The following NDST4 variants were observed in gnomAD, a reference collection of about 807,000 sequenced individuals.
NDST4 encodes N-heparan sulfate sulfotransferase 4.
A neutral mutation model predicts 100.8 loss-of-function variants in NDST4; 63 were observed. That is an observed-to-expected ratio of 0.62 (90% CI 0.51 to 0.77). The LOEUF (loss-of-function observed/expected upper bound fraction) is 0.77. Among genes scored for constraint, NDST4 ranks in the 30% least tolerant of loss-of-function variants. The pLI is 0.00. For synonymous variants in NDST4, 377 were observed against 361.8 expected (o/e 1.04, Z -0.48); for missense variants, 943 against 1,018.4 (o/e 0.93, Z 1.01).
At chr4:115,094,406 A>G (rs2126295975) in intron 1 of NDST4, among the ~76,000 whole-genome samples, 1 of 152,290 alleles carries the variant, frequency 6.6e-6, no homozygotes, top group Non-Finnish European at 1.5e-5. Flanking sequence ...ACCTTATTTT[A>G]TAAGACTAAC....
chr4:114,949,847 T>C (rs778894434), intron 4 of NDST4, among the ~76,000 whole-genome samples: 1 of 152,042 alleles, frequency 6.6e-6, no homozygotes, highest in Non-Finnish European at 1.5e-5. Flanking sequence ...AAAGTAAACA[T>C]TGGCATTGAG....
At chr4:114,944,896 G>A (rs1207158848) in intron 4 of NDST4, among the ~76,000 whole-genome samples, 1 of 152,048 alleles carries the variant, frequency 6.6e-6, no homozygotes, top group South Asian at 2.1e-4. Flanking sequence ...CAGGAGACGC[G>A]CCACACCACA....
At chr4:115,025,672 T>A (rs1205103102) in intron 2 of NDST4, among the ~76,000 whole-genome samples, 5 of 152,118 alleles carry the variant, frequency 3.3e-5, no homozygotes, top group Non-Finnish European at 7.4e-5. Flanking sequence ...CTAGAGTGCT[T>A]AAACTCTGTA....
Position 115,076,280 on chromosome 4 carries a change from A to G in NDST4, c.757T>C (p.Phe253Leu). The change falls in exon 2 of 14, where the codon TTT becomes CTT. Residue 253 changes from phenylalanine (F) to leucine (L), a missense_variant. Physicochemically the swap from Phe to Leu is conservative, Grantham distance 22. Transcript: ENST00000264363. ...CCCAGATCCTGAATCACCGTTGCAA[A>G]GAGTGTTTTGCTAGACAAGGATGAC... The part of the protein sequence containing the change: ...SLSSLSSKTL[F>L]ATVIQDLGLH... 1 of 1,614,008 alleles carries G rather than the reference A, an allele frequency of 6.2e-7. No individual in the cohort carries two copies. The highest frequency in any genetic ancestry group is 8.5e-7 in the Non-Finnish European group (1 of 1,179,936).
chr4:114,889,513 C>A (rs1724548104), intron 6 of NDST4, among the ~76,000 whole-genome samples: 1 of 152,132 alleles, frequency 6.6e-6, no homozygotes, highest in Non-Finnish European at 1.5e-5. Context: ...AACTTGTGTT[C>A]ACATTAGGTA....
rs150012154 is a variant in NDST4, at chr4:114,941,112, A to G, written c.1222-3609T>C. ...TAGTATTTTCCTGCCTCATGTCTGC[A>G]TCAATATTTATGAAGTATTTTTACA... On this transcript the variant is annotated intron_variant, in intron 4 of 13. Transcript: ENST00000264363. 3.9e-5 allele frequency among the ~76,000 whole-genome samples: 6 copies of G among 152,352 alleles called. No homozygotes were observed. In the East Asian group the frequency reaches 1.2e-3, roughly 29 times the overall value.
At chr4:114,882,302 G>C (rs1181223802) in intron 6 of NDST4, among the ~76,000 whole-genome samples, 2 of 152,014 alleles carry the variant, frequency 1.3e-5, no homozygotes, top group East Asian at 1.9e-4. Context: ...ATCTCAAAGA[G>C]TAAGAGGCTT....
intron 2 of NDST4, among the ~76,000 whole-genome samples, chr4:115,001,474 T>C (rs556228653): frequency 1.4e-3 from 215 of 152,142 alleles, no homozygotes; most frequent in African/African-American, 5.0e-3. Flanking sequence ...GGTTTTTTTT[T>C]CCTGCTTTTT....
At chr4:115,093,585 G>C (rs1006264799) in intron 1 of NDST4, among the ~76,000 whole-genome samples, 1 of 151,900 alleles carries the variant, frequency 6.6e-6, no homozygotes, top group Non-Finnish European at 1.5e-5. Context: ...AGGGAATTTG[G>C]GAATATTTAC....
At chr4:115,059,822 TGAG>T (rs1251977218) in intron 2 of NDST4, among the ~76,000 whole-genome samples, 3 of 151,996 alleles carry the variant, frequency 2.0e-5, no homozygotes, top group Non-Finnish European at 4.4e-5. Context: ...CACAGACACA[TGAG>T]GAGAAGTTGC....
chr4:114,953,571 C>A (rs1726069148), intron 4 of NDST4, among the ~76,000 whole-genome samples: 1 of 152,060 alleles, frequency 6.6e-6, no homozygotes, highest in Non-Finnish European at 1.5e-5. Flanking sequence ...TTCATATTAA[C>A]AATGAAAACT....
chr4:114,969,171 G>A (rs2126240214), intron 4 of NDST4, among the ~76,000 whole-genome samples: 1 of 151,892 alleles, frequency 6.6e-6, no homozygotes, highest in African/African-American at 2.4e-5. Flanking sequence ...AAAATTAGCC[G>A]GGCGTAGTGG....
At chr4:114,991,235 T>A (rs1346271250) in intron 2 of NDST4, among the ~76,000 whole-genome samples, 1 of 152,014 alleles carries the variant, frequency 6.6e-6, no homozygotes, top group Non-Finnish European at 1.5e-5. Flanking sequence ...TAATACAACA[T>A]GATAGCTAAT....
intron 2 of NDST4, among the ~76,000 whole-genome samples, chr4:115,003,395 C>T (rs531616621): frequency 6.6e-6 from 1 of 152,200 alleles, no homozygotes; most frequent in South Asian, 2.1e-4. Context: ...GAAATCAAAG[C>T]TGATGCATGA....
chr4:115,024,663 C>G (rs1727941874), intron 2 of NDST4, among the ~76,000 whole-genome samples: 1 of 152,060 alleles, frequency 6.6e-6, no homozygotes, highest in Admixed American at 6.6e-5. Flanking sequence ...AGATGAGACT[C>G]TACTTCTAAA....
At chr4:114,916,415 A>G (rs1254435221) in intron 6 of NDST4, among the ~76,000 whole-genome samples, 1 of 151,940 alleles carries the variant, frequency 6.6e-6, no homozygotes, top group Non-Finnish European at 1.5e-5. Flanking sequence ...TCTTTTCCAT[A>G]TATGCTTCCA....
rs546718512 is a variant in NDST4, at chr4:115,011,220, A to G, written c.979-33946T>C. 1.3e-4 allele frequency among the ~76,000 whole-genome samples: 20 copies of G among 152,094 alleles called. No individual in the cohort carries two copies. In the South Asian group the frequency reaches 1.5e-3, roughly 11 times the overall value. On this transcript the variant is annotated intron_variant, in intron 2 of 13. Coordinates refer to ENST00000264363, the MANE Select transcript of NDST4 (RefSeq NM_022569.3). ...TGCTATATGACTTACTTGTCTCTTG[A>G]ATGGTTTCTATTCATCTGTATGTTA...
intron 6 of NDST4, among the ~76,000 whole-genome samples, chr4:114,873,235 G>T (rs1360494948): frequency 6.6e-6 from 1 of 151,404 alleles, no homozygotes; most frequent in African/African-American, 2.4e-5. Context: ...CATCAAAAAA[G>T]ACTATAGATA....
At chr4:115,108,943 TAAAG>T (rs1469989248) in intron 1 of NDST4, among the ~76,000 whole-genome samples, 1 of 126,082 alleles carries the variant, frequency 7.9e-6, no homozygotes, top group African/African-American at 3.0e-5. Flanking sequence ...TGAATGGAAA[TAAAG>T]GAAGGAGGGA....
Sources: gnomAD v4.1 joint callset for allele counts (sites outside exome capture counted in the v4.1 genomes callset) on GRCh38, gnomAD v4.1.1 for gene constraint, MANE v1.5 for transcripts, NCBI Gene and HGNC (gene_info 2026-07-23, HGNC 2026-07-21) for gene names.